The following HDAC8 variants were observed in gnomAD, a reference collection of about 807,000 sequenced individuals.
The protein encoded by HDAC8 is histone deacetylase-like 1.
In HDAC8, 1 loss-of-function variant was observed where a neutral mutation model predicts 32.2. The observed-to-expected ratio is 0.03, with a 90% CI of 0.01 to 0.15. The LOEUF (loss-of-function observed/expected upper bound fraction) is 0.15. Ranked by LOEUF, HDAC8 falls within the 10% of genes least tolerant of loss-of-function variation. HDAC8 has a pLI of 1.00. For missense variants in HDAC8, 117 were observed against 300.0 expected (o/e 0.39, Z 4.51); for synonymous variants, 108 against 113.9 (o/e 0.95, Z 0.33).
chrX:72,406,061 C>T (rs1366633649), intron 9 of HDAC8, among the ~76,000 whole-genome samples: 14 of 110,927 alleles, frequency 1.3e-4, no homozygotes, highest in African/African-American at 4.3e-4. Context: ...ACTTCTCCTT[C>T]CTGGTAGTTA....
chrX:72,343,923 C>A (rs2043956327), intron 10 of HDAC8, among the ~76,000 whole-genome samples: 2 of 113,056 alleles, frequency 1.8e-5, no homozygotes, highest in South Asian at 7.1e-4. Flanking sequence ...TCAAAGAAGG[C>A]AGAGTAGAAA....
At chrX:72,515,587 T>TGGGGGGG (rs61675419) in intron 4 of HDAC8, among the ~76,000 whole-genome samples, 12 of 33,732 alleles carry the variant, frequency 3.6e-4, no homozygotes, top group Non-Finnish European at 3.8e-4. Flanking sequence ...TCAGTGTGTG[T>TGGGGGGG]GGGGGGGGGG....
At chrX:72,388,172 C>A (rs911366182) in intron 9 of HDAC8, among the ~76,000 whole-genome samples, 18 of 110,609 alleles carry the variant, frequency 1.6e-4, no homozygotes, top group African/African-American at 5.6e-4. Context: ...GTGTTCTCCG[C>A]TAAGAATTTC....
At chrX:72,377,685 C>G (rs1234959180) in intron 9 of HDAC8, among the ~76,000 whole-genome samples, 1 of 112,072 alleles carries the variant, frequency 8.9e-6, no homozygotes, top group Non-Finnish European at 1.9e-5. Context: ...TTACTTCCAA[C>G]CTACGTGTGC....
rs192090513 is a variant in HDAC8 at position 72,529,776 on chromosome X, G to A, written c.438-34508C>T. 3.2e-3 allele frequency among the ~76,000 whole-genome samples: 362 copies of A among 111,872 alleles called. 1 individual carries two copies. The highest frequency in any genetic ancestry group is 0.011 in the African/African-American group (349 of 30,783). ...ATATGGTTTGGCTCTGTGGTCCCAT[G>A]AAAATCTCATGTTGAATTGTGTCCC... On this transcript the variant is annotated intron_variant, in intron 4 of 10. Transcript: ENST00000373573.
At chrX:72,367,409 C>T (rs938741217) in intron 9 of HDAC8, among the ~76,000 whole-genome samples, 2 of 112,060 alleles carry the variant, frequency 1.8e-5, no homozygotes, top group South Asian at 7.5e-4. Context: ...TCTGTCGCCA[C>T]GTTGGTCAAA....
At chrX:72,517,534 C>T (rs1156659374) in intron 4 of HDAC8, among the ~76,000 whole-genome samples, 1 of 111,636 alleles carries the variant, frequency 9.0e-6, no homozygotes, top group African/African-American at 3.3e-5. Flanking sequence ...TACTCCTATG[C>T]TTTCTTGTAA....
At chrX:72,492,323 G>C (rs1321969786) in intron 5 of HDAC8, among the ~76,000 whole-genome samples, 1 of 111,684 alleles carries the variant, frequency 9.0e-6, no homozygotes, top group African/African-American at 3.3e-5. Context: ...TTAGAGTGTT[G>C]AGCACCTTTT....
intron 4 of HDAC8, among the ~76,000 whole-genome samples, chrX:72,514,702 G>A (rs1442603773): frequency 9.0e-6 from 1 of 111,180 alleles, no homozygotes; most frequent in Non-Finnish European, 1.9e-5. Flanking sequence ...TCTGAGATAG[G>A]TGCTTATGGC....
rs782009599 is a variant in HDAC8, at chrX:72,525,039, C to T, written c.438-29771G>A. Among the ~76,000 whole-genome samples the T allele has an allele frequency of 7.2e-5, 8 of 111,852 alleles. No individual in the cohort carries two copies. The South Asian group carries it at 2.6e-3, about 37-fold the overall frequency. ...GCATAAAACCTAGATCCCTGGCATG[C>T]GCAGTTCACAATACACTTGACTCTT... On this transcript the variant is annotated intron_variant, in intron 4 of 10. Transcript: ENST00000373573.
At chrX:72,445,496 C>T (rs2047357096) in intron 9 of HDAC8, among the ~76,000 whole-genome samples, 1 of 112,080 alleles carries the variant, frequency 8.9e-6, no homozygotes, top group African/African-American at 3.2e-5. Context: ...AAAGCTGAAA[C>T]TGGATCCCTT....
intron 9 of HDAC8, among the ~76,000 whole-genome samples, chrX:72,443,566 G>T (rs2047255202): frequency 9.0e-6 from 1 of 111,711 alleles, no homozygotes; most frequent in East Asian, 2.8e-4. Flanking sequence ...AGCACTAAAT[G>T]CCCACAAGAG....
chrX:72,442,394 G>T (rs1297939289), intron 9 of HDAC8, among the ~76,000 whole-genome samples: 2 of 111,591 alleles, frequency 1.8e-5, no homozygotes, highest in Admixed American at 9.5e-5. Context: ...CATTCTTAAA[G>T]AAAAGAATTT....
At position 72,572,051 on chromosome X, in the gene HDAC8, A is replaced by G; in HGVS notation, c.164+6T>C. The G allele has an allele frequency of 8.4e-7, 1 of 1,190,614 alleles. No homozygotes were observed. The highest frequency in any genetic ancestry group is 1.1e-6 in the Non-Finnish European group (1 of 885,668). On this transcript the variant is annotated splice_donor_region_variant and intron_variant, in intron 2 of 10. Transcript: ENST00000373573. ...TTCAGGGCTATGTTCAAGAAAGACA[A>G]CTTACCTCATCTGCTTATGCAGTGC...
At chrX:72,533,096 C>T (rs781870140) in intron 4 of HDAC8, among the ~76,000 whole-genome samples, 1 of 111,629 alleles carries the variant, frequency 9.0e-6, no homozygotes, top group East Asian at 2.8e-4. Flanking sequence ...CAGGTTATCC[C>T]AGCACCATTT....
intron 10 of HDAC8, among the ~76,000 whole-genome samples, chrX:72,350,823 C>G (rs943368874): frequency 4.0e-4 from 45 of 111,997 alleles, no homozygotes; most frequent in African/African-American, 1.4e-3. Flanking sequence ...ATGGCTGCCA[C>G]TTCCCCTCTA....
In HDAC8 at chrX:72,421,592, C is replaced by T. The variant is rs193044960; in HGVS notation, c.1005+40412G>A. ...TGCTTTCTTTATGTTGTTGTTGTCA[C>T]AGATCATATATTTATACACTGTGTG... On this transcript the variant is annotated intron_variant, in intron 9 of 10. Coordinates refer to ENST00000373573, the MANE Select transcript of HDAC8 (RefSeq NM_018486.3). 4.4e-5 allele frequency among the ~76,000 whole-genome samples: 5 copies of T among 112,654 alleles called. No individual in the cohort carries two copies. In the Admixed American group the frequency reaches 4.7e-4, roughly 11 times the overall value.
At chrX:72,446,623 C>T (rs782362855) in intron 9 of HDAC8, among the ~76,000 whole-genome samples, 67 of 110,118 alleles carry the variant, frequency 6.1e-4, no homozygotes, top group African/African-American at 2.1e-3. Context: ...CAGCATGGCA[C>T]GTGTATACAT....
chrX:72,560,357 A>G (rs1245339767), intron 4 of HDAC8, among the ~76,000 whole-genome samples: 1 of 109,275 alleles, frequency 9.2e-6, no homozygotes, highest in Non-Finnish European at 1.9e-5. Context: ...CAGATGCTTG[A>G]AGGCAGCATG....
Sources: gnomAD v4.1 joint callset for allele counts (sites outside exome capture counted in the v4.1 genomes callset) on GRCh38, gnomAD v4.1.1 for gene constraint, MANE v1.5 for transcripts, NCBI Gene and HGNC (gene_info 2026-07-23, HGNC 2026-07-21) for gene names.